Variants in DACH2 observed in about 807,000 individuals in gnomAD.
DACH2 encodes dachshund family transcription factor 2.
A neutral mutation model predicts 35.8 loss-of-function variants in DACH2; 17 were observed. The ratio of observed to expected loss-of-function variants is 0.48; its 90% CI spans 0.33 to 0.71. The LOEUF (loss-of-function observed/expected upper bound fraction) is 0.71, where lower values mean the gene tolerates loss of function less well. DACH2 is among the 30% of genes least tolerant of loss of function. The pLI is 0.02. For missense variants in DACH2, 469 were observed against 472.7 expected, an observed-to-expected ratio of 0.99 and a Z score of 0.07; for synonymous variants, 195 against 177.3, an observed-to-expected ratio of 1.10 and a Z score of -0.79.
intron 1 of DACH2, among the ~76,000 whole-genome samples, chrX:86,204,810 T>A (rs963022464): frequency 8.9e-6 from 1 of 112,062 alleles, no homozygotes; most frequent in African/African-American, 3.2e-5. Flanking sequence ...ATGGGAGATA[T>A]TATTCCTATT....
chrX:86,733,793 A>G (rs1266111847), intron 6 of DACH2, among the ~76,000 whole-genome samples: 2 of 111,423 alleles, frequency 1.8e-5, no homozygotes, highest in Non-Finnish European at 3.8e-5. Context: ...AATTGATAGG[A>G]AATGGTCACA....
chrX:86,830,356 C>G (rs965346781), intron 11 of DACH2: 1 of 111,666 alleles, frequency 9.0e-6, no homozygotes, highest in Non-Finnish European at 1.9e-5. Flanking sequence ...CGCTACTGTC[C>G]TCAAAATTGG....
chrX:86,321,176 G>A (rs755002717), intron 1 of DACH2, among the ~76,000 whole-genome samples: 1 of 111,465 alleles, frequency 9.0e-6, no homozygotes, highest in African/African-American at 3.3e-5. Context: ...GAGGGTCTTA[G>A]TGCCTTCCTG....
At chrX:86,299,396 T>C (rs1401675659) in intron 1 of DACH2, among the ~76,000 whole-genome samples, 1 of 111,695 alleles carries the variant, frequency 9.0e-6, no homozygotes, top group Non-Finnish European at 1.9e-5. Context: ...TCCAGTGACA[T>C]GTGTATAATG....
intron 2 of DACH2, among the ~76,000 whole-genome samples, chrX:86,464,598 G>C (rs1216306166): frequency 9.0e-6 from 1 of 110,873 alleles, no homozygotes; most frequent in Non-Finnish European, 1.9e-5. Context: ...ATGATGGGTT[G>C]ATAGGTGCAG....
intron 1 of DACH2, among the ~76,000 whole-genome samples, chrX:86,295,630 G>A (rs1010231247): frequency 9.0e-6 from 1 of 111,129 alleles, no homozygotes; most frequent in Non-Finnish European, 1.9e-5. Flanking sequence ...GACTAGGGCT[G>A]GTTTAAATGC....
At chrX:86,625,961 C>T (rs1486903902) in intron 3 of DACH2, among the ~76,000 whole-genome samples, 1 of 111,250 alleles carries the variant, frequency 9.0e-6, no homozygotes, top group East Asian at 2.9e-4. Context: ...TCCCAAATCT[C>T]ATGTCCTCAC....
intron 1 of DACH2, among the ~76,000 whole-genome samples, chrX:86,367,452 G>C (rs2035822229): frequency 9.0e-6 from 1 of 111,713 alleles, no homozygotes; most frequent in East Asian, 2.9e-4. Flanking sequence ...TGTCTCAGGA[G>C]TGGCAACTAA....
At chrX:86,438,540 T>TTATGGGTGCATAGTATTCTATGGTG (rs1287854249) in intron 2 of DACH2, among the ~76,000 whole-genome samples, 6 of 111,856 alleles carry the variant, frequency 5.4e-5, no homozygotes, top group Non-Finnish European at 1.1e-4. Context: ...CTCATTCTTT[T>TTATGGGTGCATAGTATTCTATGGTG]TATGGGTGCA....
At chrX:86,743,169 C>A (rs1276125824) in intron 7 of DACH2, among the ~76,000 whole-genome samples, 3 of 111,360 alleles carry the variant, frequency 2.7e-5, no homozygotes, top group African/African-American at 9.8e-5. Flanking sequence ...TTGGACATTT[C>A]AGATGAAAGC....
intron 1 of DACH2, among the ~76,000 whole-genome samples, chrX:86,268,444 A>T (rs1186517252): frequency 9.0e-6 from 1 of 111,658 alleles, no homozygotes. Flanking sequence ...CCACATGGGA[A>T]ATCAAAAGTG....
At chrX:86,742,554 C>A in intron 7 of DACH2, 2 of 176,030 alleles carry the variant, frequency 1.1e-5, no homozygotes, top group Admixed American at 7.4e-5. Context: ...GTTGTTATTA[C>A]ATTATATTCG....
chrX:86,454,004 C>A (rs1307465676), intron 2 of DACH2, among the ~76,000 whole-genome samples: 1 of 111,665 alleles, frequency 9.0e-6, no homozygotes, highest in Admixed American at 9.5e-5. Context: ...ATTTGCTTAT[C>A]TGAAAAGCAG....
At chrX:86,463,339 T>C (rs1385041442) in intron 2 of DACH2, among the ~76,000 whole-genome samples, 4 of 110,212 alleles carry the variant, frequency 3.6e-5, no homozygotes, top group Non-Finnish European at 7.6e-5. Flanking sequence ...AAATAAAAAG[T>C]AAGACGTGTA....
At chrX:86,357,808 G>A (rs938013316) in intron 1 of DACH2, among the ~76,000 whole-genome samples, 4 of 112,179 alleles carry the variant, frequency 3.6e-5, no homozygotes, top group Admixed American at 9.5e-5. Context: ...ATATTACTAG[G>A]TATCTTGTTT....
At chrX:86,461,133 G>A (rs774670495) in intron 2 of DACH2, among the ~76,000 whole-genome samples, 2 of 111,561 alleles carry the variant, frequency 1.8e-5, no homozygotes, top group East Asian at 5.6e-4. Flanking sequence ...ATGAATTCCA[G>A]TGTAGTCTTT....
At chrX:86,742,271 T>C (rs747582252) in intron 7 of DACH2, among the ~76,000 whole-genome samples, 1 of 110,908 alleles carries the variant, frequency 9.0e-6, no homozygotes, top group South Asian at 3.7e-4. Flanking sequence ...AAAATATGAC[T>C]AAAGATAATT....
chrX:86,255,829 A>G (rs1358700316), intron 1 of DACH2, among the ~76,000 whole-genome samples: 1 of 112,011 alleles, frequency 8.9e-6, no homozygotes, highest in Non-Finnish European at 1.9e-5. Context: ...AGTTTGCAAA[A>G]CTGATTGCAT....
intron 3 of DACH2, among the ~76,000 whole-genome samples, chrX:86,637,268 A>G (rs2040283575): frequency 1.0e-5 from 1 of 96,997 alleles, no homozygotes; most frequent in Non-Finnish European, 2.1e-5. Context: ...TAGTTTTCAG[A>G]GAAAAAGGAA....
Sources: gnomAD v4.1 joint callset for allele counts (sites outside exome capture counted in the v4.1 genomes callset) on GRCh38, gnomAD v4.1.1 for gene constraint, MANE v1.5 for transcripts, NCBI Gene and HGNC (gene_info 2026-07-23, HGNC 2026-07-21) for gene names.